Variants in ACYP2 observed in about 807,000 individuals in gnomAD.
ACYP2 encodes the protein acylphosphatase-2.
ACYP2 carries 12 observed loss-of-function variants against 11.2 expected under a neutral mutation model. The ratio of observed to expected loss-of-function variants is 1.08; its 90% CI spans 0.69 to 1.74. ACYP2 has a LOEUF of 1.74. Among genes scored for constraint, ACYP2 ranks in the 40% most tolerant of loss-of-function variants. The pLI, the probability that ACYP2 is intolerant of heterozygous loss-of-function variation, is 0.00. For synonymous variants in ACYP2, 43 were observed against 32.2 expected, an observed-to-expected ratio of 1.33 and a Z score of -1.13; for missense variants, 134 against 101.9, an observed-to-expected ratio of 1.31 and a Z score of -1.35.
intron 2 of ACYP2, among the ~76,000 whole-genome samples, chr2:54,038,048 C>G (rs1002989720): frequency 3.3e-5 from 5 of 152,216 alleles, no homozygotes; most frequent in Non-Finnish European, 7.3e-5. Context: ...GTGTTACCAA[C>G]ACCTTCCCTT....
chr2:54,120,890 AG>A (rs1680112114), intron 4 of ACYP2, among the ~76,000 whole-genome samples: 1 of 152,132 alleles, frequency 6.6e-6, no homozygotes, highest in South Asian at 2.1e-4. Context: ...GGGAGTCCTG[AG>A]GCCTGAGCCT....
intron 1 of ACYP2, chr2:53,973,581 C>T (rs1671283804): frequency 1.0e-5 from 2 of 197,616 alleles, no homozygotes; most frequent in African/African-American, 4.7e-5. Context: ...TTGTATTTCT[C>T]CCCACCCTTG....
intron 4 of ACYP2, among the ~76,000 whole-genome samples, chr2:54,092,973 C>T (rs535655396): frequency 6.6e-6 from 1 of 152,274 alleles, no homozygotes; most frequent in South Asian, 2.1e-4. Context: ...TGGTGGGGTA[C>T]AATCGTTCAG....
At chr2:54,240,660 C>T (rs1019976946) in intron 6 of ACYP2, among the ~76,000 whole-genome samples, 1 of 152,180 alleles carries the variant, frequency 6.6e-6, no homozygotes, top group Non-Finnish European at 1.5e-5. Flanking sequence ...AAGACTCAGG[C>T]TCGTATTACA....
chr2:54,082,705 G>C (rs1017659356), intron 4 of ACYP2: 3 of 152,098 alleles, frequency 2.0e-5, no homozygotes, highest in African/African-American at 7.2e-5. Flanking sequence ...TTCTAGTACT[G>C]ACAAACCTAC....
At chr2:54,171,587 C>G (rs7592484) in intron 6 of ACYP2, among the ~76,000 whole-genome samples, 1,937 of 152,242 alleles carry the variant, frequency 0.013, 54 homozygotes, top group African/African-American at 0.044. Flanking sequence ...TTTCTTTGCT[C>G]ATGAAGGTCA....
At chr2:53,972,885 G>C (rs989397428) in intron 1 of ACYP2, among the ~76,000 whole-genome samples, 1 of 152,232 alleles carries the variant, frequency 6.6e-6, no homozygotes, top group Non-Finnish European at 1.5e-5. Flanking sequence ...TATGGGATGG[G>C]TATGTTGACA....
chr2:54,289,019 A>G (rs1345730653), intron 6 of ACYP2, among the ~76,000 whole-genome samples: 3 of 152,076 alleles, frequency 2.0e-5, no homozygotes, highest in Non-Finnish European at 4.4e-5. Flanking sequence ...AAACTAAAGA[A>G]TGACAGCTAT....
At chr2:54,294,938 AT>A (rs2104153364) in intron 6 of ACYP2, among the ~76,000 whole-genome samples, 1 of 151,824 alleles carries the variant, frequency 6.6e-6, no homozygotes, top group African/African-American at 2.4e-5. Flanking sequence ...AGAGTAAAAT[AT>A]CCTGAGTTAA....
At chr2:54,003,822 C>G (rs1672922422) in intron 2 of ACYP2, among the ~76,000 whole-genome samples, 1 of 152,190 alleles carries the variant, frequency 6.6e-6, no homozygotes, top group South Asian at 2.1e-4. Flanking sequence ...AAACCATCTT[C>G]CAAAGCGCCT....
At chr2:54,108,537 C>T (rs1679290506) in intron 4 of ACYP2, among the ~76,000 whole-genome samples, 1 of 152,180 alleles carries the variant, frequency 6.6e-6, no homozygotes, top group Non-Finnish European at 1.5e-5. Context: ...GAAAAGCAAA[C>T]CTGATACCAG....
chr2:54,201,632 CTTTCTCTTTCTT>C, intron 6 of ACYP2, among the ~76,000 whole-genome samples: 2 of 74,366 alleles, frequency 2.7e-5, no homozygotes, highest in South Asian at 1.1e-3. Flanking sequence ...TTGTTTCTTT[CTTTCTCTTTCTT>C]TCTTTCTTTC....
intron 6 of ACYP2, among the ~76,000 whole-genome samples, chr2:54,149,614 A>C (rs1682051924): frequency 6.6e-6 from 1 of 152,228 alleles, no homozygotes; most frequent in Non-Finnish European, 1.5e-5. Context: ...TCCTCAGAAA[A>C]TATATTTTCC....
intron 6 of ACYP2, among the ~76,000 whole-genome samples, chr2:54,244,056 T>C (rs537363649): frequency 1.3e-4 from 20 of 152,276 alleles, no homozygotes; most frequent in East Asian, 7.7e-4. Context: ...ATTTTTAAAA[T>C]TTAAATCTTT....
intron 6 of ACYP2, among the ~76,000 whole-genome samples, chr2:54,224,934 G>A (rs374882284): frequency 1.1e-4 from 16 of 152,194 alleles, no homozygotes; most frequent in African/African-American, 3.4e-4. Context: ...TAGGCAGGAT[G>A]GAAGAAAGGA....
rs559249000 is a variant in ACYP2 at position 54,261,281 on chromosome 2, A to T, written c.405-43407A>T. Among the ~76,000 whole-genome samples, 6 of 152,140 alleles carry T rather than the reference A, an allele frequency of 3.9e-5. 1 individual carries two copies. In the South Asian group the frequency reaches 1.2e-3, roughly 32 times the overall value. On this transcript the variant is annotated intron_variant, in intron 6 of 6. Coordinates refer to ENST00000607452, the MANE Select transcript of ACYP2 (RefSeq NM_001320586.2). ...CAATTTCAACTTTGGAGCCTGAAAT[A>T]TTCTGGCTATAATTTTTTTTTCCTA...
At chr2:54,035,016 A>AAAAAAAAAAAAAAAAAG in intron 2 of ACYP2, among the ~76,000 whole-genome samples, 2 of 119,824 alleles carry the variant, frequency 1.7e-5, no homozygotes, top group Non-Finnish European at 3.4e-5. Flanking sequence ...TCTCAAAAAA[A>AAAAAAAAAAAAAAAAAG]AAAAAAAAAA....
chr2:53,976,436 G>T (rs1244918835), intron 2 of ACYP2, among the ~76,000 whole-genome samples: 3 of 152,112 alleles, frequency 2.0e-5, no homozygotes, highest in Non-Finnish European at 4.4e-5. Flanking sequence ...TGAACTCCTG[G>T]ACTCAAGCAA....
At chr2:54,061,405 AGGTGGACACGTGCTCTAATCT>A (rs1676463230) in intron 4 of ACYP2, among the ~76,000 whole-genome samples, 1 of 152,182 alleles carries the variant, frequency 6.6e-6, no homozygotes, top group Non-Finnish European at 1.5e-5. Flanking sequence ...CTGACCACAG[AGGTGGACACGTGCTCTAATCT>A]GGAAAATTAG....
Sources: gnomAD v4.1 joint callset for allele counts (sites outside exome capture counted in the v4.1 genomes callset) on GRCh38, gnomAD v4.1.1 for gene constraint, MANE v1.5 for transcripts, NCBI Gene and HGNC (gene_info 2026-07-23, HGNC 2026-07-21) for gene names.